Variants in SLC8A1 observed in about 807,000 individuals in gnomAD.
The protein encoded by SLC8A1 is solute carrier family 8 member A1.
A neutral mutation model predicts 68.3 loss-of-function variants in SLC8A1; 18 were observed. The ratio of observed to expected loss-of-function variants is 0.26; its 90% confidence interval spans 0.18 to 0.39. The LOEUF is 0.39. Ranked by LOEUF, SLC8A1 falls within the 10% of genes least tolerant of loss-of-function variation. The probability of loss-of-function intolerance (pLI) is 1.00; values close to 1 mark genes in which losing one functional copy is unlikely to be tolerated. For synonymous variants in SLC8A1, 475 were observed against 415.5 expected (o/e 1.14, Z -1.74); for missense variants, 985 against 1,156.7 (o/e 0.85, Z 2.15).
rs115601022 is a variant in SLC8A1, at chr2:40,298,311, C to T, written c.1809-120456G>A. Among the ~76,000 whole-genome samples the T allele has an allele frequency of 2.3e-3, 354 of 152,262 alleles. 1 individual carries two copies. Among genetic ancestry groups the T allele is most frequent in the African/African-American group, 7.8e-3 (323 of 41,540 alleles). ...CAGCAAACTGCTTCCACCAAAACTC[C>T]GGCTAGCAATCACATTACAATGACT... On this transcript the variant is annotated intron_variant, in intron 2 of 7. Coordinates refer to ENST00000406785, the Ensembl canonical transcript of SLC8A1.
At chr2:40,499,575 T>C (rs1705919645) in intron 1 of SLC8A1, among the ~76,000 whole-genome samples, 1 of 151,954 alleles carries the variant, frequency 6.6e-6, no homozygotes, top group Non-Finnish European at 1.5e-5. Flanking sequence ...GGTCTGTGAG[T>C]TGGTGACAGT....
rs1278014089 is a variant in SLC8A1, at chr2:40,358,904, G to A, written c.1808+69569C>T. Reference sequence around the variant, plus strand: ...CAAAGAACCACACAAAAACAGGGATGTAGGAAGGACTTTACTGAGCAGGAG... The same window carrying A: ...CAAAGAACCACACAAAAACAGGGATATAGGAAGGACTTTACTGAGCAGGAG... On this transcript the variant is annotated intron_variant, in intron 2 of 7. Transcript: ENST00000406785. Among the ~76,000 whole-genome samples, 10 of 152,194 alleles carry A rather than the reference G, an allele frequency of 6.6e-5. No individual in the cohort carries two copies. The East Asian group carries it at 1.9e-3, about 29-fold the overall frequency.
At chr2:40,214,510 T>C (rs991426642) in intron 2 of SLC8A1, among the ~76,000 whole-genome samples, 2 of 151,864 alleles carry the variant, frequency 1.3e-5, no homozygotes, top group African/African-American at 4.8e-5. Context: ...TGGCGCAATC[T>C]TGGCTCACTG....
chr2:40,246,295 C>A (rs7605482), intron 2 of SLC8A1, among the ~76,000 whole-genome samples: 1 of 152,110 alleles, frequency 6.6e-6, no homozygotes, highest in East Asian at 1.9e-4. Context: ...ACTTGAAATA[C>A]GCAAACTGTG....
chr2:40,173,825 C>T (rs1286885845), intron 4 of SLC8A1, among the ~76,000 whole-genome samples: 1 of 152,110 alleles, frequency 6.6e-6, no homozygotes, highest in African/African-American at 2.4e-5. Context: ...TATCTTCAAC[C>T]TACAGCTTCA....
intron 2 of SLC8A1, among the ~76,000 whole-genome samples, chr2:40,337,842 C>A (rs533674486): frequency 6.6e-6 from 1 of 152,114 alleles, no homozygotes; most frequent in Non-Finnish European, 1.5e-5. Context: ...TTCCTTGATT[C>A]TTCTTTTTCA....
intron 2 of SLC8A1, among the ~76,000 whole-genome samples, chr2:40,278,871 T>A (rs929632): frequency 0.37 from 56,377 of 151,934 alleles, 11,520 homozygotes; most frequent in East Asian, 0.72. Flanking sequence ...AGGTTTTTTT[T>A]AAATTATTAT....
chr2:40,188,428 C>G (rs892954058), intron 2 of SLC8A1, among the ~76,000 whole-genome samples: 3 of 152,182 alleles, frequency 2.0e-5, no homozygotes, highest in Admixed American at 1.3e-4. Context: ...CTGCCTATTA[C>G]GAGAATTTAG....
At chr2:40,458,137 G>A (rs1576608261) in intron 1 of SLC8A1, among the ~76,000 whole-genome samples, 1 of 152,194 alleles carries the variant, frequency 6.6e-6, no homozygotes, top group African/African-American at 2.4e-5. Flanking sequence ...GCAAAGACGA[G>A]TGATAAAGCT....
chr2:40,127,915 C>T (rs905453760), intron 7 of SLC8A1, among the ~76,000 whole-genome samples: 6 of 152,126 alleles, frequency 3.9e-5, no homozygotes, highest in African/African-American at 9.7e-5. Context: ...CGGGCACTAA[C>T]GGAGTTAGTG....
chr2:40,480,366 G>C (rs1704552014), intron 1 of SLC8A1, among the ~76,000 whole-genome samples: 1 of 152,106 alleles, frequency 6.6e-6, no homozygotes, highest in East Asian at 1.9e-4. Flanking sequence ...TCATTAAAGG[G>C]ATTAGTGTCC....
chr2:40,302,350 C>A (rs1170484729), intron 2 of SLC8A1, among the ~76,000 whole-genome samples: 1 of 151,558 alleles, frequency 6.6e-6, no homozygotes, highest in Non-Finnish European at 1.5e-5. Context: ...TCCTGAGTTA[C>A]TTCCCTTAGA....
At chr2:40,141,318 C>T (rs1156337896) in intron 6 of SLC8A1, among the ~76,000 whole-genome samples, 1 of 152,202 alleles carries the variant, frequency 6.6e-6, no homozygotes, top group Non-Finnish European at 1.5e-5. Context: ...AAACCCCTCT[C>T]AGAAAACATC....
chr2:40,469,165 G>A (rs1358532750), intron 1 of SLC8A1, among the ~76,000 whole-genome samples: 1 of 152,098 alleles, frequency 6.6e-6, no homozygotes, highest in Non-Finnish European at 1.5e-5. Context: ...CATTAACTAT[G>A]TTTGCAATGC....
chr2:40,171,585 A>G (rs1301794327), intron 4 of SLC8A1, among the ~76,000 whole-genome samples: 1 of 152,216 alleles, frequency 6.6e-6, no homozygotes, highest in Admixed American at 6.5e-5. Context: ...AAGGGGTTCA[A>G]TGTATAATTT....
chr2:40,225,422 A>G (rs1230824435), intron 2 of SLC8A1, among the ~76,000 whole-genome samples: 1 of 152,150 alleles, frequency 6.6e-6, no homozygotes, highest in African/African-American at 2.4e-5. Flanking sequence ...TACCATATTA[A>G]TGGCTACTAA....
At chr2:40,501,788 C>CACTT (rs541995548) in intron 1 of SLC8A1, among the ~76,000 whole-genome samples, 18 of 152,040 alleles carry the variant, frequency 1.2e-4, no homozygotes, top group Non-Finnish European at 2.5e-4. Flanking sequence ...TCTCATTTGC[C>CACTT]ACTTATGTGG....
At position 40,177,516 on chromosome 2, in the gene SLC8A1, T is replaced by G. The variant is rs552887721; in HGVS notation, c.1912+236A>C. Among the ~76,000 whole-genome samples, 90 of 152,310 alleles carry G rather than the reference T, an allele frequency of 5.9e-4. 1 individual carries two copies. Among genetic ancestry groups the G allele is most frequent in the African/African-American group, 2.1e-3 (87 of 41,572 alleles). On this transcript the variant is annotated intron_variant, in intron 3 of 7. Coordinates refer to ENST00000406785, the Ensembl canonical transcript of SLC8A1. ...TCATTTCTGAATTACAGAAATCCCT[T>G]TCAGTGTTATTAAATCTGGTTGCAA...
At chr2:40,504,764 C>T (rs1706263535) in intron 1 of SLC8A1, among the ~76,000 whole-genome samples, 1 of 151,780 alleles carries the variant, frequency 6.6e-6, no homozygotes, top group South Asian at 2.1e-4. Flanking sequence ...AATGTGATAT[C>T]TCACCCCAGG....
Sources: gnomAD v4.1 joint callset for allele counts (sites outside exome capture counted in the v4.1 genomes callset) on GRCh38, gnomAD v4.1.1 for gene constraint, MANE v1.5 for transcripts, NCBI Gene and HGNC (gene_info 2026-07-23, HGNC 2026-07-21) for gene names.